The following PRSS12 variants were observed in gnomAD, a reference collection of about 807,000 sequenced individuals.
The protein encoded by PRSS12 is neurotrypsin.
PRSS12 carries 85 observed loss-of-function variants against 104.4 expected under a neutral mutation model. The observed-to-expected ratio is 0.81, with a 90% CI of 0.68 to 0.98. The LOEUF (loss-of-function observed/expected upper bound fraction) is 0.98, where lower values mean the gene tolerates loss of function less well. PRSS12 is among the 50% of genes least tolerant of loss of function. PRSS12 has a pLI of 0.00. For missense variants in PRSS12, 1,141 were observed against 1,139.2 expected, an observed-to-expected ratio of 1.00 and a Z score of -0.02; for synonymous variants, 454 against 425.2, an observed-to-expected ratio of 1.07 and a Z score of -0.83.
chr4:118,286,109 T>C (rs1335381821), intron 11 of PRSS12, among the ~76,000 whole-genome samples: 1 of 152,224 alleles, frequency 6.6e-6, no homozygotes, highest in African/African-American at 2.4e-5. Flanking sequence ...GTCGCCTGAA[T>C]GGACTTGCCG....
rs527372406 is a variant in PRSS12 at position 118,335,418 on chromosome 4, A to G, written c.820+55T>C. The G allele has an allele frequency of 7.6e-6, 12 of 1,588,544 alleles. No individual in the cohort carries two copies. The Admixed American group carries it at 2.0e-4, about 27-fold the overall frequency. On this transcript the variant is annotated intron_variant, in intron 3 of 12. Transcript: ENST00000296498. Reference sequence around the variant, plus strand: ...AACTAAGACACTTTCATCATCTGGAATCACGTTTAAAACATAATGAAAGTA... The same window carrying G: ...AACTAAGACACTTTCATCATCTGGAGTCACGTTTAAAACATAATGAAAGTA...
At chr4:118,317,124 T>C (rs936781060) in intron 5 of PRSS12, among the ~76,000 whole-genome samples, 1 of 152,044 alleles carries the variant, frequency 6.6e-6, no homozygotes, top group Non-Finnish European at 1.5e-5. Flanking sequence ...CAGTCTGTCA[T>C]GTCAATGCAT....
chr4:118,341,096 T>C (rs762798203), intron 1 of PRSS12, among the ~76,000 whole-genome samples: 1 of 152,108 alleles, frequency 6.6e-6, no homozygotes, highest in Non-Finnish European at 1.5e-5. Flanking sequence ...TTATGGCTGA[T>C]TGTGGAAACA....
intron 4 of PRSS12, among the ~76,000 whole-genome samples, chr4:118,327,450 C>CA (rs1195029558): frequency 2.6e-5 from 4 of 151,768 alleles, no homozygotes; most frequent in African/African-American, 9.7e-5. Context: ...CCATGCCTGG[C>CA]AAAAAACAAT....
chr4:118,315,909 A>C (rs1371347813), intron 6 of PRSS12, among the ~76,000 whole-genome samples: 4 of 152,332 alleles, frequency 2.6e-5, no homozygotes, highest in Middle Eastern at 3.4e-3. Flanking sequence ...GTCTTACTTG[A>C]ATAGACACAA....
At chr4:118,343,248 A>G (rs935935459) in intron 1 of PRSS12, among the ~76,000 whole-genome samples, 7 of 152,050 alleles carry the variant, frequency 4.6e-5, no homozygotes, top group African/African-American at 1.2e-4. Context: ...ATTAAAAATT[A>G]GCCGGGCTTG....
chr4:118,299,717 A>AAAATAAAAT (rs1743345907), intron 8 of PRSS12, among the ~76,000 whole-genome samples: 12 of 66,602 alleles, frequency 1.8e-4, no homozygotes, highest in Admixed American at 6.7e-4. Context: ...TAAAATAAAT[A>AAAATAAAAT]AAATAAAATA....
intron 11 of PRSS12, among the ~76,000 whole-genome samples, chr4:118,293,033 TAATA>T (rs1304422209): frequency 3.3e-5 from 5 of 150,688 alleles, no homozygotes; most frequent in African/African-American, 4.9e-5. Context: ...ATAATAATAA[TAATA>T]AATAAATAAA....
intron 4 of PRSS12, among the ~76,000 whole-genome samples, chr4:118,324,943 T>C (rs1403307277): frequency 6.6e-6 from 1 of 152,050 alleles, no homozygotes; most frequent in East Asian, 1.9e-4. Context: ...ACTCCTGACA[T>C]TGTGATCCAC....
Position 118,324,994 on chromosome 4 carries a change from C to T in PRSS12, c.972-6438G>A, listed in dbSNP as rs540139465. On this transcript the variant is annotated intron_variant, in intron 4 of 12. Coordinates refer to ENST00000296498, the MANE Select transcript of PRSS12 (RefSeq NM_003619.4). ...AAAGGATTACAGGCGTGAGCCACCA[C>T]GCCCAGCCCAGTTTCATTCTTTTTC... is the stretch of plus-strand genomic sequence containing the variant. 3.3e-5 allele frequency among the ~76,000 whole-genome samples: 5 copies of T among 152,218 alleles called. No individual in the cohort carries two copies. The East Asian group carries it at 7.7e-4, about 24-fold the overall frequency.
intron 4 of PRSS12, among the ~76,000 whole-genome samples, chr4:118,328,898 A>G (rs1723849866): frequency 6.6e-6 from 1 of 151,982 alleles, no homozygotes; most frequent in African/African-American, 2.4e-5. Context: ...GGTTCAAGCA[A>G]TTCTCCTGCC....
At chr4:118,308,655 C>CA (rs1444431239) in intron 7 of PRSS12, 78 bp from the exon 8 acceptor site, 1 of 1,547,784 alleles carries the variant, frequency 6.5e-7, no homozygotes, top group Non-Finnish European at 8.9e-7. Flanking sequence ...CTACAAAACA[C>CA]AATTGTTCTT....
intron 8 of PRSS12, among the ~76,000 whole-genome samples, chr4:118,304,624 A>AAATAT (rs1743493481): frequency 6.6e-6 from 1 of 152,028 alleles, no homozygotes; most frequent in Non-Finnish European, 1.5e-5. Context: ...CATAAAGTGT[A>AAATAT]AATATAATGG....
chr4:118,333,835 G>T (rs1468952136), intron 3 of PRSS12, among the ~76,000 whole-genome samples: 1 of 152,124 alleles, frequency 6.6e-6, no homozygotes, highest in Non-Finnish European at 1.5e-5. Context: ...ACAAGGACAA[G>T]ATTTAGTTAA....
chr4:118,339,503 CATATT>C (rs982150024), intron 1 of PRSS12, among the ~76,000 whole-genome samples: 5 of 152,218 alleles, frequency 3.3e-5, no homozygotes, highest in East Asian at 1.9e-4. Flanking sequence ...TTAAGAAAAA[CATATT>C]ATATTTCTCA....
At chr4:118,339,732 C>T (rs937873825) in intron 1 of PRSS12, among the ~76,000 whole-genome samples, 3 of 152,146 alleles carry the variant, frequency 2.0e-5, no homozygotes. Context: ...GTATGAACTA[C>T]AGAATATTTT....
chr4:118,332,358 C>T (rs1249162805), intron 3 of PRSS12, among the ~76,000 whole-genome samples: 2 of 152,160 alleles, frequency 1.3e-5, no homozygotes, highest in Non-Finnish European at 2.9e-5. Flanking sequence ...AAACAAGTTG[C>T]TGGACATCAT....
intron 7 of PRSS12, 146 bp from the exon 8 acceptor site, chr4:118,308,723 A>G: frequency 8.6e-7 from 1 of 1,162,560 alleles, no homozygotes; most frequent in Admixed American, 2.1e-5. Flanking sequence ...GAGATATATC[A>G]ATAAAAATTT....
At chr4:118,299,755 TAAA>T (rs1743351026) in intron 8 of PRSS12, among the ~76,000 whole-genome samples, 1 of 81,346 alleles carries the variant, frequency 1.2e-5, no homozygotes. Flanking sequence ...ATAAATAAAA[TAAA>T]TAAAATTAAA....
Sources: allele counts gnomAD v4.1 joint callset (sites outside exome capture counted in the v4.1 genomes callset), GRCh38; gene constraint gnomAD v4.1.1; transcripts MANE v1.5; gene names NCBI Gene and HGNC (gene_info 2026-07-23, HGNC 2026-07-21).